Variants in AAK1 observed in about 807,000 individuals in gnomAD.
AAK1 encodes the protein AP2-associated protein kinase 1.
In AAK1, 37 loss-of-function variants were observed where a neutral mutation model predicts 116.0. The observed-to-expected ratio is 0.32, with a 90% CI of 0.25 to 0.42. The LOEUF (loss-of-function observed/expected upper bound fraction) is 0.42, where lower values mean the gene tolerates loss of function less well. Ranked by LOEUF, AAK1 falls within the 10% of genes least tolerant of loss-of-function variation. The pLI, the probability that AAK1 is intolerant of heterozygous loss-of-function variation, is 1.00. For missense variants in AAK1, 919 were observed against 1,170.6 expected (o/e 0.79, Z 3.14); for synonymous variants, 458 against 439.9 (o/e 1.04, Z -0.51).
intron 2 of AAK1, among the ~76,000 whole-genome samples, chr2:69,600,574 G>A (rs1673531226): frequency 6.6e-6 from 1 of 152,202 alleles, no homozygotes; most frequent in South Asian, 2.1e-4. Context: ...AACTTGAACG[G>A]ATGGAAGTGG....
intron 3 of AAK1, among the ~76,000 whole-genome samples, chr2:69,548,898 C>T (rs565746197): frequency 3.9e-5 from 6 of 152,072 alleles, no homozygotes; most frequent in Non-Finnish European, 5.9e-5. Context: ...CCACCACACC[C>T]GGCCAACAAG....
At position 69,470,754 on chromosome 2, in the gene AAK1, G is replaced by C. The variant is rs1159657644; in HGVS notation, c.*5115C>G. 2 of 985,584 alleles carry C rather than the reference G, an allele frequency of 2.0e-6. No homozygotes were observed. Among genetic ancestry groups the C allele is most frequent in the African/African-American group, 3.5e-5 (2 of 57,202 alleles). 61.1% of individuals were successfully genotyped at this position (985,584 alleles called of 1,614,324 possible). On this transcript the variant is annotated 3_prime_UTR_variant, in exon 22 of 22. Coordinates refer to ENST00000409085, the MANE Select transcript of AAK1 (RefSeq NM_014911.5). The stretch of plus-strand genomic sequence containing the variant: ...AACAGGGGTTTTACTCTCTCAGGTA[G>C]CCATGATTCATTAATATGTCCTCAG...
chr2:69,524,156 G>A (rs1393447283), intron 10 of AAK1, among the ~76,000 whole-genome samples: 1 of 152,216 alleles, frequency 6.6e-6, no homozygotes, highest in Non-Finnish European at 1.5e-5. Context: ...TGTGGTTGGA[G>A]CCATAGAAAG....
chr2:69,528,376 G>A (rs557016016), intron 8 of AAK1, among the ~76,000 whole-genome samples: 12 of 152,242 alleles, frequency 7.9e-5, no homozygotes, highest in Non-Finnish European at 4.4e-5. Context: ...AGGGTGTGCT[G>A]GATGGATTGA....
In AAK1 at chr2:69,475,688, G is replaced by A. The variant is rs1365347396; in HGVS notation, c.*181C>T. 1.7e-5 allele frequency: 23 copies of A among 1,389,568 alleles called. No individual in the cohort carries two copies. The highest frequency in any genetic ancestry group is 2.9e-5 in the Admixed American group (1 of 34,292). The allele number at this position is 1,389,568 out of a possible 1,614,324, so 86.1% of individuals were successfully genotyped here. ...AGGAACTGGCCAAGGAATATCTGGA[G>A]GGCCAAAGTGATTTTCTTTCCTTAT... is the stretch of plus-strand genomic sequence containing the variant. On this transcript the variant is annotated 3_prime_UTR_variant, in exon 22 of 22. Coordinates refer to ENST00000409085, the MANE Select transcript of AAK1 (RefSeq NM_014911.5).
chr2:69,478,241 T>C (rs1304631763), intron 20 of AAK1, among the ~76,000 whole-genome samples: 1 of 152,226 alleles, frequency 6.6e-6, no homozygotes, highest in Admixed American at 6.5e-5. Context: ...CCATTTTACA[T>C]TCTAAGGCCA....
rs1176773788 is a variant in AAK1 at position 69,470,352 on chromosome 2, C to A, written c.*5517G>T. 2.0e-6 allele frequency: 2 copies of A among 985,256 alleles called. No individual in the cohort carries two copies. Among genetic ancestry groups the A allele is most frequent in the South Asian group, 9.4e-5 (2 of 21,288 alleles). The allele number at this position is 985,256 out of a possible 1,614,324, so 61.0% of individuals were successfully genotyped here. The stretch of plus-strand genomic sequence containing the variant: ...GCAATTGAAACGTAAAATTTTAGAA[C>A]CAAACTGGGGAAATCAAGAGACGTA... On this transcript the variant is annotated 3_prime_UTR_variant, in exon 22 of 22. Coordinates refer to ENST00000409085, the MANE Select transcript of AAK1 (RefSeq NM_014911.5).
intron 2 of AAK1, among the ~76,000 whole-genome samples, chr2:69,630,333 C>CGGGG (rs1404671822): frequency 2.1e-4 from 3 of 14,232 alleles, no homozygotes; most frequent in African/African-American, 9.6e-4. Context: ...CTGAGTGGGG[C>CGGGG]GGGGGGTGGG....
rs891518113 is a variant in AAK1, at chr2:69,472,633, T to C, written c.*3236A>G. On this transcript the variant is annotated 3_prime_UTR_variant, in exon 22 of 22. Transcript: ENST00000409085. ...TCTGAGGTATGTATTTTTGAAAACA[T>C]TGGGACTCATTTGAATGTTGTAAAG... 6 of 985,302 alleles carry C rather than the reference T, an allele frequency of 6.1e-6. No individual in the cohort carries two copies. The highest frequency in any genetic ancestry group is 6.1e-5 in the Admixed American group (1 of 16,270). 61.0% of individuals were successfully genotyped at this position (985,302 alleles called of 1,614,324 possible). A position where few individuals can be genotyped will look rare whatever the true frequency, so the allele number is the denominator to read the frequency against.
rs772720864 is a variant in AAK1, at chr2:69,509,308, T to G, written c.1929A>C (p.Ala643=). 1 of 1,613,950 alleles carries G rather than the reference T, an allele frequency of 6.2e-7. No homozygotes were observed. Among genetic ancestry groups the G allele is most frequent in the Admixed American group, 1.7e-5 (1 of 60,026 alleles). ...ATTTGCTGGCAGGGACCCCAAAGAC[T>G]GCACTGTGGGTTACGTCACTGAGAA... ...RRILSDVTHS[A]VFGVPASKST... Residue 643 remains alanine, a synonymous_variant, in exon 14 of 22, where the codon GCA becomes GCC. Coordinates refer to ENST00000409085, the MANE Select transcript of AAK1 (RefSeq NM_014911.5).
intron 18 of AAK1, chr2:69,482,370 AG>A: frequency 5.7e-6 from 3 of 529,272 alleles, no homozygotes; most frequent in South Asian, 2.8e-5. Context: ...AAAAAAAAAA[AG>A]AAGAATCTGC....
intron 16 of AAK1, among the ~76,000 whole-genome samples, chr2:69,500,640 T>C (rs1400042191): frequency 6.9e-6 from 1 of 144,394 alleles, no homozygotes; most frequent in Non-Finnish European, 1.5e-5. Context: ...TATGTGTTTG[T>C]AGCTGTGCCT....
chr2:69,572,058 T>C (rs1170517930), intron 2 of AAK1, among the ~76,000 whole-genome samples: 1 of 152,062 alleles, frequency 6.6e-6, no homozygotes, highest in Non-Finnish European at 1.5e-5. Flanking sequence ...GTGAAGAAGG[T>C]AAGTTTCCAA....
intron 2 of AAK1, among the ~76,000 whole-genome samples, chr2:69,581,731 C>T (rs1237667336): frequency 6.6e-6 from 1 of 152,138 alleles, no homozygotes; most frequent in Non-Finnish European, 1.5e-5. Context: ...AATCCCAGCA[C>T]TTTGGGAGGC....
chr2:69,603,345 T>C (rs1355546765), intron 2 of AAK1, among the ~76,000 whole-genome samples: 1 of 152,014 alleles, frequency 6.6e-6, no homozygotes, highest in African/African-American at 2.4e-5. Context: ...TACAAGTAGG[T>C]AGATCACGAG....
chr2:69,622,766 A>C (rs532059525), intron 2 of AAK1, among the ~76,000 whole-genome samples: 1 of 152,274 alleles, frequency 6.6e-6, no homozygotes, highest in East Asian at 1.9e-4. Flanking sequence ...CACACCAATC[A>C]GCACCCTGTG....
intron 2 of AAK1, among the ~76,000 whole-genome samples, chr2:69,612,867 G>A (rs529309041): frequency 6.6e-6 from 1 of 152,342 alleles, no homozygotes; most frequent in East Asian, 1.9e-4. Context: ...TCAACTTTAT[G>A]TTTTGGTCAA....
chr2:69,521,081 C>A, intron 10 of AAK1, 93 bp from the exon 11 acceptor site: 1 of 1,361,764 alleles, frequency 7.3e-7, no homozygotes, highest in Non-Finnish European at 1.0e-6. Flanking sequence ...CCACATCGAC[C>A]CAAACCTTCC....
At chr2:69,507,809 C>T (rs375516243) in intron 14 of AAK1, among the ~76,000 whole-genome samples, 3 of 151,650 alleles carry the variant, frequency 2.0e-5, no homozygotes, top group Non-Finnish European at 4.4e-5. Context: ...CAGGTTCAAG[C>T]GATTCTCCTG....
Sources: gnomAD v4.1 joint callset for allele counts (sites outside exome capture counted in the v4.1 genomes callset) on GRCh38, gnomAD v4.1.1 for gene constraint, MANE v1.5 for transcripts, NCBI Gene and HGNC (gene_info 2026-07-23, HGNC 2026-07-21) for gene names.